The following ARMH3 variants were observed in gnomAD, a reference collection of about 807,000 sequenced individuals.
ARMH3 encodes armadillo like helical domain containing 3.
ARMH3 carries 60 observed loss-of-function variants against 99.1 expected under a neutral mutation model. The observed-to-expected ratio is 0.61, with a 90% CI of 0.49 to 0.75. The LOEUF (loss-of-function observed/expected upper bound fraction) is 0.75. Among genes scored for constraint, ARMH3 ranks in the 30% least tolerant of loss-of-function variants. ARMH3 has a pLI of 0.00. For missense variants in ARMH3, 679 were observed against 843.1 expected, an observed-to-expected ratio of 0.81 and a Z score of 2.41; for synonymous variants, 285 against 292.8, an observed-to-expected ratio of 0.97 and a Z score of 0.27.
chr10:101,910,910 C>A (rs1229668223), intron 23 of ARMH3, among the ~76,000 whole-genome samples: 2 of 151,666 alleles, frequency 1.3e-5, no homozygotes, highest in Non-Finnish European at 1.5e-5. Context: ...GAGGCCAAGG[C>A]GGATGGACCA....
At chr10:102,036,547 T>C (rs184810175) in intron 2 of ARMH3, among the ~76,000 whole-genome samples, 1 of 152,262 alleles carries the variant, frequency 6.6e-6, no homozygotes, top group African/African-American at 2.4e-5. Context: ...TCTTCTGCCT[T>C]GGGATGCTGT....
At position 101,995,286 on chromosome 10, in the gene ARMH3, G is replaced by A. The variant is rs772450192; in HGVS notation, c.1209+11C>T. ...AAGACTGCCTAATAGCAGAAGGCTC[G>A]TGAGACCTACCTCTGCAATACATGT... On this transcript the variant is annotated intron_variant, in intron 16 of 25. Coordinates refer to ENST00000370033, the MANE Select transcript of ARMH3 (RefSeq NM_024541.3). 21 of 1,611,718 alleles carry A rather than the reference G, an allele frequency of 1.3e-5. No homozygotes were observed. Among genetic ancestry groups the A allele is most frequent in the Middle Eastern group, 1.7e-4 (1 of 6,056 alleles).
intron 23 of ARMH3, among the ~76,000 whole-genome samples, chr10:101,894,920 A>G (rs1219681148): frequency 6.6e-6 from 1 of 151,240 alleles, no homozygotes; most frequent in Non-Finnish European, 1.5e-5. Flanking sequence ...TATCTGTCAC[A>G]TGACGACACA....
intron 4 of ARMH3, among the ~76,000 whole-genome samples, chr10:102,030,824 C>T (rs1224473878): frequency 6.6e-6 from 1 of 152,062 alleles, no homozygotes; most frequent in African/African-American, 2.4e-5. Context: ...CTCTGTCACC[C>T]AGGCTGGAGT....
intron 22 of ARMH3, among the ~76,000 whole-genome samples, chr10:101,948,420 G>A (rs1844645271): frequency 6.6e-6 from 1 of 152,142 alleles, no homozygotes; most frequent in Non-Finnish European, 1.5e-5. Flanking sequence ...GTTAAGGTAT[G>A]CATGCAGATA....
At chr10:102,020,730 G>A (rs2136152965) in intron 8 of ARMH3, among the ~76,000 whole-genome samples, 1 of 149,476 alleles carries the variant, frequency 6.7e-6, no homozygotes, top group African/African-American at 2.5e-5. Context: ...GCAGGTGCCT[G>A]TAATCCCAGC....
chr10:102,044,040 G>T (rs1171795708), intron 1 of ARMH3, among the ~76,000 whole-genome samples: 4 of 150,400 alleles, frequency 2.7e-5, no homozygotes, highest in Admixed American at 2.0e-4. Flanking sequence ...CCTCAGCCTT[G>T]TGAGTAGCTG....
At chr10:101,909,824 A>G (rs996858999) in intron 23 of ARMH3, among the ~76,000 whole-genome samples, 2 of 152,086 alleles carry the variant, frequency 1.3e-5, no homozygotes, top group African/African-American at 4.8e-5. Context: ...CACGTATCTC[A>G]TATCTATATA....
At chr10:101,990,179 C>CTTTT (rs762793068) in intron 19 of ARMH3, among the ~76,000 whole-genome samples, 6 of 134,538 alleles carry the variant, frequency 4.5e-5, no homozygotes, top group Admixed American at 7.5e-5. Flanking sequence ...CATGAACTTT[C>CTTTT]TTTTTTTTTT....
chr10:102,030,645 G>A (rs1218972089), intron 4 of ARMH3, among the ~76,000 whole-genome samples: 1 of 152,144 alleles, frequency 6.6e-6, no homozygotes, highest in Non-Finnish European at 1.5e-5. Flanking sequence ...GGAGACGGAT[G>A]TTGCAGTGAG....
intron 24 of ARMH3, among the ~76,000 whole-genome samples, chr10:101,856,378 G>A (rs937416359): frequency 6.6e-6 from 1 of 152,098 alleles, no homozygotes; most frequent in African/African-American, 2.4e-5. Context: ...ATCTTTAATT[G>A]GGCTTTTTAG....
intron 24 of ARMH3, among the ~76,000 whole-genome samples, chr10:101,857,483 A>C (rs529543693): frequency 6.8e-4 from 103 of 152,284 alleles, no homozygotes; most frequent in African/African-American, 2.4e-3. Context: ...GGCCTTCAAC[A>C]ATGGTCACTG....
intron 24 of ARMH3, among the ~76,000 whole-genome samples, chr10:101,888,186 A>G (rs2067599892): frequency 6.6e-6 from 1 of 152,004 alleles, no homozygotes; most frequent in Admixed American, 6.6e-5. Context: ...AAAATGATAT[A>G]GTAAAATTAA....
At chr10:101,892,595 TA>T (rs1468347723) in intron 23 of ARMH3, among the ~76,000 whole-genome samples, 1 of 152,014 alleles carries the variant, frequency 6.6e-6, no homozygotes, top group Non-Finnish European at 1.5e-5. Context: ...ATTCAGGTAA[TA>T]AAAGTATAAA....
In ARMH3 at chr10:101,991,972, G is replaced by C; in HGVS notation, c.1342C>G (p.Leu448Val). The C allele has an allele frequency of 6.2e-7, 1 of 1,613,406 alleles. No individual in the cohort carries two copies. The highest frequency in any genetic ancestry group is 1.1e-5 in the South Asian group (1 of 91,070). The change falls in exon 18 of 26, where the codon CTG becomes GTG. Residue 448 changes from leucine (L) to valine (V), a missense_variant. By Grantham distance (32) the Leu-to-Val change is conservative. This residue lies in a region of ARMH3 where 389 missense variants were observed against 456.5 expected (regional missense o/e 0.85). Transcript: ENST00000370033. ...AATGTTGATGATACTCACTCACCCA[G>C]TACTGCACATACTAAAGGACGGCAG... is the stretch of plus-strand genomic sequence containing the variant. ...LPCRPLVCAVLDLMVEFIVTH... is the reference protein window; with the variant it reads ...LPCRPLVCAVVDLMVEFIVTH...
chr10:102,039,910 C>T (rs1428999608), intron 2 of ARMH3, 103 bp downstream of exon 2: 4 of 1,071,280 alleles, frequency 3.7e-6, no homozygotes, highest in African/African-American at 3.2e-5. Flanking sequence ...TGTCCCACAT[C>T]CCCCAAGGAA....
At chr10:101,894,868 G>A (rs1172333226) in intron 23 of ARMH3, among the ~76,000 whole-genome samples, 10 of 110,134 alleles carry the variant, frequency 9.1e-5, no homozygotes, top group South Asian at 3.1e-4. Flanking sequence ...GCGAAACTCT[G>A]CCAAAAAAAA....
At chr10:101,934,547 C>T (rs957314535) in intron 23 of ARMH3, among the ~76,000 whole-genome samples, 1 of 152,124 alleles carries the variant, frequency 6.6e-6, no homozygotes, top group Non-Finnish European at 1.5e-5. Context: ...AAAGTTAATA[C>T]ATTAACCATA....
intron 22 of ARMH3, among the ~76,000 whole-genome samples, chr10:101,942,675 A>G (rs564591804): frequency 9.8e-5 from 15 of 152,292 alleles, no homozygotes; most frequent in Non-Finnish European, 1.6e-4. Flanking sequence ...CAGCCTAGCC[A>G]ACATGGTGAA....
Sources: gnomAD v4.1 joint callset for allele counts (sites outside exome capture counted in the v4.1 genomes callset) on GRCh38, gnomAD v4.1.1 for gene constraint, gnomAD v4.1.1 regional missense constraint, MANE v1.5 for transcripts, NCBI Gene and HGNC (gene_info 2026-07-23, HGNC 2026-07-21) for gene names.